The following C2CD3 variants were observed in gnomAD, a reference collection of about 807,000 sequenced individuals.
C2CD3 encodes C2 domain containing 3 centriole elongation regulator.
A neutral mutation model predicts 234.0 loss-of-function variants in C2CD3; 148 were observed. The ratio of observed to expected loss-of-function variants is 0.63; its 90% CI spans 0.55 to 0.72. The LOEUF (loss-of-function observed/expected upper bound fraction) is 0.72, where lower values mean the gene tolerates loss of function less well. C2CD3 is among the 30% of genes least tolerant of loss of function. The pLI, the probability that C2CD3 is intolerant of heterozygous loss-of-function variation, is 0.00. For missense variants in C2CD3, 2,577 were observed against 2,811.5 expected (o/e 0.92, Z 1.89); for synonymous variants, 1,000 against 1,035.4 (o/e 0.97, Z 0.66).
At chr11:74,108,655 C>T (rs765358072) in intron 12 of C2CD3, among the ~76,000 whole-genome samples, 7 of 152,112 alleles carry the variant, frequency 4.6e-5, no homozygotes, top group African/African-American at 9.7e-5. Context: ...AGGTTAAGAA[C>T]TTGAGATCTA....
chr11:74,034,968 C>G (rs935028725), intron 30 of C2CD3, among the ~76,000 whole-genome samples: 1 of 152,204 alleles, frequency 6.6e-6, no homozygotes, highest in Non-Finnish European at 1.5e-5. Flanking sequence ...TATATAACCA[C>G]TTAATAAACA....
At chr11:74,073,373 G>A (rs780283738) in intron 24 of C2CD3, among the ~76,000 whole-genome samples, 4 of 151,962 alleles carry the variant, frequency 2.6e-5, no homozygotes, top group Admixed American at 6.6e-5. Flanking sequence ...GATCACTTGC[G>A]GTCAGGAGTT....
chr11:74,131,451 T>A (rs532877234), intron 7 of C2CD3, among the ~76,000 whole-genome samples: 1 of 152,264 alleles, frequency 6.6e-6, no homozygotes, highest in African/African-American at 2.4e-5. Flanking sequence ...AAATCCTGCT[T>A]GGTCATAGTA....
At chr11:74,159,282 T>A (rs1401411647) in intron 3 of C2CD3, among the ~76,000 whole-genome samples, 2 of 152,248 alleles carry the variant, frequency 1.3e-5, no homozygotes, top group Non-Finnish European at 2.9e-5. Flanking sequence ...TTATACTTTT[T>A]CTTTTTGTTT....
intron 10 of C2CD3, 103 bp downstream of exon 10, chr11:74,114,280 AT>A: frequency 1.3e-6 from 1 of 789,442 alleles, no homozygotes; most frequent in Non-Finnish European, 2.1e-6. Context: ...AATGATGCAT[AT>A]GAAAACACAT....
chr11:74,050,547 G>A (rs1049714393), intron 26 of C2CD3, among the ~76,000 whole-genome samples: 3 of 152,222 alleles, frequency 2.0e-5, no homozygotes, highest in African/African-American at 7.2e-5. Flanking sequence ...TCTGTATAGT[G>A]AAATCAAAGG....
Position 74,028,391 on chromosome 11 carries a change from G to T in C2CD3, c.6817C>A (p.Pro2273Thr). 1.3e-6 allele frequency: 2 copies of T among 1,534,836 alleles called. No homozygotes were observed. The highest frequency in any genetic ancestry group is 1.7e-6 in the Non-Finnish European group (2 of 1,145,990). Reference protein sequence around the residue: ...STKQSLLLPGPIVVPNFFLPP... With the variant: ...STKQSLLLPGTIVVPNFFLPP... ...AAAAAGAAGTTGGGCACCACAATGG[G>T]CCCTGGGCTACAATGGTAGTTAAGG... The change falls in exon 32 of 33, where the codon CCC becomes ACC. Residue 2273 changes from proline (P) to threonine (T), a missense_variant. Physicochemically the swap from Pro to Thr is conservative, Grantham distance 38. Transcript: ENST00000334126.
At chr11:74,035,184 T>G (rs922149078) in intron 30 of C2CD3, among the ~76,000 whole-genome samples, 1 of 152,174 alleles carries the variant, frequency 6.6e-6, no homozygotes, top group Non-Finnish European at 1.5e-5. Flanking sequence ...GTGCTGGCTG[T>G]TTAATATTAT....
At chr11:74,125,822 A>G (rs1411216815) in intron 7 of C2CD3, among the ~76,000 whole-genome samples, 1 of 152,148 alleles carries the variant, frequency 6.6e-6, no homozygotes, top group Non-Finnish European at 1.5e-5. Context: ...TTCCTTTGAG[A>G]GAACTTAAAA....
At chr11:74,098,488 G>A (rs1246898562) in intron 15 of C2CD3, among the ~76,000 whole-genome samples, 1 of 152,210 alleles carries the variant, frequency 6.6e-6, no homozygotes, top group African/African-American at 2.4e-5. Context: ...ATATGTCTCT[G>A]TAGCATTATG....
chr11:74,063,353 G>T (rs891833547), intron 24 of C2CD3, among the ~76,000 whole-genome samples: 1 of 152,150 alleles, frequency 6.6e-6, no homozygotes, highest in Admixed American at 6.5e-5. Context: ...CAATATCCCT[G>T]ATGAACATCA....
rs942453395 is a variant in C2CD3, at chr11:74,100,632, C to T, written c.2625G>A (p.Lys875=). ...SLSSKYLERL[K]NNVMVIETWN... ...AAGTTTCAATTACCATCACATTGTT[C>T]TTAAGCCTTTCCAGGTATTTGGAAG... is the stretch of plus-strand genomic sequence containing the variant. The change falls in exon 15 of 33, where the codon AAG becomes AAA. Residue 875 remains lysine (K), a synonymous_variant. Coordinates refer to ENST00000334126, the MANE Select transcript of C2CD3 (RefSeq NM_001286577.2). 1.2e-6 allele frequency: 2 copies of T among 1,614,034 alleles called. No homozygotes were observed.
intron 24 of C2CD3, among the ~76,000 whole-genome samples, chr11:74,072,410 T>C (rs1954839179): frequency 1.3e-5 from 2 of 152,176 alleles, no homozygotes; most frequent in African/African-American, 2.4e-5. Context: ...TAAGGACACA[T>C]GACACAGTTT....
rs75843299 is a variant in C2CD3 at position 74,155,677 on chromosome 11, C to T, written c.483+5722G>A. Reference sequence around the variant, plus strand: ...ATATTATTCCATCTGTATAAAATGTCCAGAACAGGCAAATACACAGAGACA... The same window carrying T: ...ATATTATTCCATCTGTATAAAATGTTCAGAACAGGCAAATACACAGAGACA... On this transcript the variant is annotated intron_variant, in intron 3 of 32. Coordinates refer to ENST00000334126, the MANE Select transcript of C2CD3 (RefSeq NM_001286577.2). 3.5e-3 allele frequency among the ~76,000 whole-genome samples: 536 copies of T among 152,118 alleles called. 5 individuals are homozygous for T. The highest frequency in any genetic ancestry group is 0.012 in the African/African-American group (508 of 41,480).
intron 2 of C2CD3, among the ~76,000 whole-genome samples, chr11:74,163,381 C>CT (rs1331741204): frequency 6.6e-6 from 1 of 152,196 alleles, no homozygotes; most frequent in Non-Finnish European, 1.5e-5. Flanking sequence ...CTTGACATAT[C>CT]ATAGTCCCTG....
Position 74,057,548 on chromosome 11 carries a change from AAATAG to A in C2CD3, c.4952-9_4952-5del. The A allele has an allele frequency of 6.2e-7, 1 of 1,614,116 alleles. No homozygotes were observed. The highest frequency in any genetic ancestry group is 8.5e-7 in the Non-Finnish European group (1 of 1,179,998). ...TTCCGCTCTGTCAAGGGGCTCCCTGAAATAGAATAAAGTGCAGTGACTGTACTTTA... is the reference window on the plus strand; with the variant it reads ...TTCCGCTCTGTCAAGGGGCTCCCTGAAATAAAGTGCAGTGACTGTACTTTA... On this transcript the variant is annotated splice_region_variant and splice_polypyrimidine_tract_variant and intron_variant, in intron 24 of 32. Transcript: ENST00000334126.
intron 13 of C2CD3, 79 bp downstream of exon 13, chr11:74,106,292 T>C (rs1956515212): frequency 1.4e-6 from 2 of 1,411,244 alleles, no homozygotes; most frequent in Non-Finnish European, 2.0e-6. Context: ...CTTTTCTTGT[T>C]CACTGCTATA....
chr11:74,151,888 G>A (rs375854391), intron 3 of C2CD3, among the ~76,000 whole-genome samples: 9 of 152,036 alleles, frequency 5.9e-5, no homozygotes, highest in African/African-American at 2.2e-4. Flanking sequence ...CATTAAAAAA[G>A]GAAATGTAAC....
intron 16 of C2CD3, among the ~76,000 whole-genome samples, chr11:74,096,989 A>C (rs1487324694): frequency 2.0e-5 from 3 of 151,928 alleles, no homozygotes; most frequent in Non-Finnish European, 4.4e-5. Flanking sequence ...ATCTCTACTA[A>C]AAATATGTAA....
Sources: gnomAD v4.1 joint callset for allele counts (sites outside exome capture counted in the v4.1 genomes callset) on GRCh38, gnomAD v4.1.1 for gene constraint, MANE v1.5 for transcripts, NCBI Gene and HGNC (gene_info 2026-07-23, HGNC 2026-07-21) for gene names.